SLC30A6: variants seen among roughly 807,000 people sequenced by gnomAD.
SLC30A6 encodes the protein zinc transporter 6.
Under a neutral mutation model 63.0 loss-of-function variants are expected in SLC30A6, and 55 were observed. The observed-to-expected ratio is 0.87, with a 90% CI of 0.70 to 1.09. The LOEUF (loss-of-function observed/expected upper bound fraction) is 1.09, where lower values mean the gene tolerates loss of function less well. Ranked by LOEUF, SLC30A6 falls within the 50% of genes least tolerant of loss-of-function variation. The pLI is 0.00. For synonymous variants in SLC30A6, 224 were observed against 186.1 expected (o/e 1.20, Z -1.66); for missense variants, 587 against 549.2 (o/e 1.07, Z -0.69).
rs999144066 is a variant in SLC30A6 at position 32,223,943 on chromosome 2, T to G, written c.*3230T>G. Reference sequence around the variant, plus strand: ...ACTGGAGAGGACCTGAATTTCAAGCTTCTGATTTAGCTGTTTGTAAACTTC... The same window carrying G: ...ACTGGAGAGGACCTGAATTTCAAGCGTCTGATTTAGCTGTTTGTAAACTTC... On this transcript the variant is annotated 3_prime_UTR_variant, in exon 14 of 14. Coordinates refer to ENST00000282587, the MANE Select transcript of SLC30A6 (RefSeq NM_017964.5). The G allele has an allele frequency of 6.6e-6, 1 of 152,254 alleles. No individual in the cohort carries two copies. Among genetic ancestry groups the G allele is most frequent in the African/African-American group, 2.4e-5 (1 of 41,448 alleles). The allele number at this position is 152,254 out of a possible 1,614,324, so 9.4% of individuals were successfully genotyped here.
intron 12 of SLC30A6, among the ~76,000 whole-genome samples, chr2:32,207,720 A>T (rs1169804373): frequency 1.2e-4 from 9 of 73,618 alleles, no homozygotes; most frequent in Admixed American, 2.0e-4. Flanking sequence ...TTTTTTTCTG[A>T]GATGGAGTCT....
At chr2:32,204,558 A>C in intron 10 of SLC30A6, 32 bp from the exon 11 acceptor site, 4 of 1,479,726 alleles carry the variant, frequency 2.7e-6, no homozygotes, top group Non-Finnish European at 3.8e-6. Context: ...TGAGATATAA[A>C]TTTAAAATTT....
Position 32,220,227 on chromosome 2 carries a change from T to C in SLC30A6, c.900T>C (p.His300=). Residue 300 remains histidine, a synonymous_variant, in exon 14 of 14, where the codon CAT becomes CAC. Coordinates refer to ENST00000282587, the MANE Select transcript of SLC30A6 (RefSeq NM_017964.5). Reference sequence around the variant, plus strand: ...GCCCCTTTTAGGCTGGATCAGTGCATGTAAGAATTCGACGAGATGCCAATG... The same window carrying C: ...GCCCCTTTTAGGCTGGATCAGTGCACGTAAGAATTCGACGAGATGCCAATG... ...LGFGSLAGSV[H]VRIRRDANEQ... 3 of 1,613,876 alleles carry C rather than the reference T, an allele frequency of 1.9e-6. No individual in the cohort carries two copies. Among genetic ancestry groups the C allele is most frequent in the Middle Eastern group, 1.7e-4 (1 of 6,058 alleles).
chr2:32,187,014 AAG>A, intron 5 of SLC30A6: 6 of 347,616 alleles, frequency 1.7e-5, no homozygotes, highest in Non-Finnish European at 2.8e-5. Context: ...AAAAAAAAAA[AAG>A]AAAGAAAAAG....
Position 32,201,572 on chromosome 2 carries a change from G to A in SLC30A6, c.666-3018G>A. 3.8e-6 allele frequency: 5 copies of A among 1,330,978 alleles called. No homozygotes were observed. In the South Asian group the frequency reaches 5.5e-5, roughly 15 times the overall value. The allele number at this position is 1,330,978 out of a possible 1,614,324, so 82.4% of individuals were successfully genotyped here. A position where few individuals can be genotyped will look rare whatever the true frequency, so the allele number is the denominator to read the frequency against. Reference sequence around the variant, plus strand: ...GCATGTAGGTGGTTGTGGCCACTGTGCCCGGAGGGAGGCAGCAGTGGCCAG... The same window carrying A: ...GCATGTAGGTGGTTGTGGCCACTGTACCCGGAGGGAGGCAGCAGTGGCCAG... On this transcript the variant is annotated intron_variant, in intron 10 of 13. Coordinates refer to ENST00000282587, the MANE Select transcript of SLC30A6 (RefSeq NM_017964.5).
intron 11 of SLC30A6, 53 bp downstream of exon 11, chr2:32,204,745 A>G: frequency 1.8e-6 from 2 of 1,091,004 alleles, no homozygotes; most frequent in Non-Finnish European, 1.3e-6. Context: ...TTCTTCTACC[A>G]GATTAAAAAG....
intron 13 of SLC30A6, among the ~76,000 whole-genome samples, chr2:32,215,450 C>A (rs1029276530): frequency 2.6e-5 from 4 of 150,948 alleles, no homozygotes; most frequent in Non-Finnish European, 5.9e-5. Flanking sequence ...CTACCTCAGC[C>A]TCCCAAAGTG....
At chr2:32,187,855 T>G (rs184940977) in intron 5 of SLC30A6, among the ~76,000 whole-genome samples, 223 of 152,262 alleles carry the variant, frequency 1.5e-3, no homozygotes, top group African/African-American at 5.1e-3. Flanking sequence ...TATGTCAAGG[T>G]AACCTACAAA....
At chr2:32,207,690 G>GTTT (rs1481978614) in intron 12 of SLC30A6, among the ~76,000 whole-genome samples, 1 of 70,476 alleles carries the variant, frequency 1.4e-5, no homozygotes, top group African/African-American at 5.6e-5. Flanking sequence ...ACTAACTTCT[G>GTTT]TATTTTTTTT....
chr2:32,187,045 A>G (rs1357539891), intron 5 of SLC30A6: 2 of 375,248 alleles, frequency 5.3e-6, no homozygotes, highest in Non-Finnish European at 1.1e-5. Flanking sequence ...GTTCGGGGGA[A>G]AAAATGGGAG....
rs888850393 is a variant in SLC30A6, at chr2:32,193,924, G to C, written c.437G>C (p.Cys146Ser). ...RLLVGTFVAL[C>S]FNLFTMLSIR... is the part of the protein sequence containing the mutation. The stretch of plus-strand genomic sequence containing the variant: ...TTAGTTGGTACTTTTGTGGCTCTTT[G>C]TTTCAACCTGTTCACGATGCTTTCT... Residue 146 changes from cysteine to serine, a missense_variant, in exon 8 of 14, where the codon TGT becomes TCT. By Grantham distance (112) the Cys-to-Ser change is moderately radical. Coordinates refer to ENST00000282587, the MANE Select transcript of SLC30A6 (RefSeq NM_017964.5). 6 of 1,613,286 alleles carry C rather than the reference G, an allele frequency of 3.7e-6. No homozygotes were observed. Among genetic ancestry groups the C allele is most frequent in the Non-Finnish European group, 5.1e-6 (6 of 1,179,676 alleles).
chr2:32,193,771 C>G, intron 7 of SLC30A6, 118 bp from the exon 8 acceptor site: 1 of 717,944 alleles, frequency 1.4e-6, no homozygotes, highest in South Asian at 1.8e-5. Flanking sequence ...CTGGAAACAC[C>G]AAATCATTAA....
chr2:32,202,276 A>G, intron 10 of SLC30A6: 1 of 563,764 alleles, frequency 1.8e-6, no homozygotes, highest in African/African-American at 2.0e-5. Flanking sequence ...AAAGAAAGAC[A>G]TTCTATTTTG....
intron 5 of SLC30A6, among the ~76,000 whole-genome samples, chr2:32,188,155 C>G (rs1683003326): frequency 6.6e-6 from 1 of 152,206 alleles, no homozygotes; most frequent in African/African-American, 2.4e-5. Context: ...ACGCTACTAA[C>G]TCATTCCCAT....
chr2:32,200,126 T>TA (rs1175464930), intron 10 of SLC30A6, among the ~76,000 whole-genome samples: 1 of 151,972 alleles, frequency 6.6e-6, no homozygotes, highest in Non-Finnish European at 1.5e-5. Flanking sequence ...TATATATATA[T>TA]AAACATATAT....
intron 11 of SLC30A6, among the ~76,000 whole-genome samples, chr2:32,205,575 A>G (rs994067507): frequency 1.3e-5 from 2 of 152,114 alleles, no homozygotes; most frequent in Admixed American, 6.5e-5. Flanking sequence ...AGCAAGTAAA[A>G]TAGTCACAAA....
Position 32,221,056 on chromosome 2 carries a change from A to G in SLC30A6, c.*343A>G, listed in dbSNP as rs1055976886. The G allele has an allele frequency of 2.0e-4, 43 of 215,976 alleles. 1 individual carries two copies. The highest frequency in any genetic ancestry group is 1.9e-3 in the Admixed American group (36 of 19,260). 13.4% of individuals were successfully genotyped at this position (215,976 alleles called of 1,614,324 possible). On this transcript the variant is annotated 3_prime_UTR_variant, in exon 14 of 14. Transcript: ENST00000282587. ...AGATCTGTCACATTACTAAGATACG[A>G]TATTTCTTTTTTTTTCCGAGACGGA...
Position 32,220,865 on chromosome 2 carries a change from T to G in SLC30A6, c.*152T>G. On this transcript the variant is annotated 3_prime_UTR_variant, in exon 14 of 14. Transcript: ENST00000282587. ...TTCATGAAACCTATGAAACTATATT[T>G]TTGTAAAATGTATTTGTGACAGTGA... 1 of 727,804 alleles carries G rather than the reference T, an allele frequency of 1.4e-6. No individual in the cohort carries two copies. The highest frequency in any genetic ancestry group is 2.2e-6 in the Non-Finnish European group (1 of 463,962). 45.1% of individuals were successfully genotyped at this position (727,804 alleles called of 1,614,324 possible). A position where few individuals can be genotyped will look rare whatever the true frequency, so the allele number is the denominator to read the frequency against.
At chr2:32,178,208 A>T (rs1452940726) in intron 4 of SLC30A6, among the ~76,000 whole-genome samples, 1 of 151,906 alleles carries the variant, frequency 6.6e-6, no homozygotes, top group Non-Finnish European at 1.5e-5. Flanking sequence ...CGGCTTCCCA[A>T]AGTGCTGGGA....
Sources: gnomAD v4.1 joint callset for allele counts (sites outside exome capture counted in the v4.1 genomes callset) on GRCh38, gnomAD v4.1.1 for gene constraint, MANE v1.5 for transcripts, NCBI Gene and HGNC (gene_info 2026-07-23, HGNC 2026-07-21) for gene names.